ELAVL4: variants seen among roughly 807,000 people sequenced by gnomAD.
ELAVL4 encodes ELAV like RNA binding protein 4.
ELAVL4 carries 1 observed loss-of-function variant against 35.6 expected under a neutral mutation model. The ratio of observed to expected loss-of-function variants is 0.03; its 90% CI spans 0.01 to 0.13. The LOEUF (loss-of-function observed/expected upper bound fraction) is 0.13, where lower values mean the gene tolerates loss of function less well. Among genes scored for constraint, ELAVL4 ranks in the 10% least tolerant of loss-of-function variants. The probability of loss-of-function intolerance (pLI) is 1.00; values close to 1 mark genes in which losing one functional copy is unlikely to be tolerated. For missense variants in ELAVL4, 267 were observed against 464.9 expected, an observed-to-expected ratio of 0.57 and a Z score of 3.91; for synonymous variants, 156 against 171.0, an observed-to-expected ratio of 0.91 and a Z score of 0.69.
intron 2 of ELAVL4, among the ~76,000 whole-genome samples, chr1:50,162,724 C>T (rs1041851782): frequency 6.6e-5 from 10 of 152,260 alleles, no homozygotes; most frequent in African/African-American, 2.2e-4. Flanking sequence ...GCTGGGACCA[C>T]AGGCACATGC....
chr1:50,098,383 G>A (rs1046505582), intron 1 of ELAVL4, among the ~76,000 whole-genome samples: 2 of 152,168 alleles, frequency 1.3e-5, no homozygotes, highest in Non-Finnish European at 2.9e-5. Context: ...AGTTATGTTT[G>A]TGAGTAATTT....
At chr1:50,085,500 A>T (rs1665200514) in intron 1 of ELAVL4, among the ~76,000 whole-genome samples, 1 of 152,230 alleles carries the variant, frequency 6.6e-6, no homozygotes, top group South Asian at 2.1e-4. Context: ...TAATCTGGGC[A>T]GGATCTTCTG....
At chr1:50,149,693 G>A (rs527489630) in intron 2 of ELAVL4, among the ~76,000 whole-genome samples, 11 of 151,672 alleles carry the variant, frequency 7.3e-5, no homozygotes, top group Middle Eastern at 3.4e-3. Flanking sequence ...ACAGGCACCC[G>A]CCACCACGCC....
rs2148890181 is a variant in ELAVL4, at chr1:50,197,477, A to G, written c.773+10A>G. ...CCTATGGCGTAAAGAGGTAATTAAAACTCCACAGATTGCCAGATGTCCATG... is the reference window on the plus strand; with the variant it reads ...CCTATGGCGTAAAGAGGTAATTAAAGCTCCACAGATTGCCAGATGTCCATG... On this transcript the variant is annotated intron_variant, in intron 6 of 6. Coordinates refer to ENST00000371824, the MANE Select transcript of ELAVL4 (RefSeq NM_001144774.3). 2 of 1,565,258 alleles carry G rather than the reference A, an allele frequency of 1.3e-6. No individual in the cohort carries two copies. The highest frequency in any genetic ancestry group is 2.4e-5 in the South Asian group (2 of 82,494).
Position 50,203,387 on chromosome 1 carries a change from T to G in ELAVL4, c.*2209T>G, listed in dbSNP as rs1644458956. 6.6e-6 allele frequency: 1 copy of G among 152,148 alleles called. No homozygotes were observed. 9.4% of individuals were successfully genotyped at this position (152,148 alleles called of 1,614,324 possible). On this transcript the variant is annotated 3_prime_UTR_variant, in exon 7 of 7. Coordinates refer to ENST00000371824, the MANE Select transcript of ELAVL4 (RefSeq NM_001144774.3). ...CTTTAAATTTTTTTTCTGTTTTTTTTTCCTCTTTTCGGTTTTGGATATAAC... is the reference window on the plus strand; with the variant it reads ...CTTTAAATTTTTTTTCTGTTTTTTTGTCCTCTTTTCGGTTTTGGATATAAC...
At chr1:50,141,197 A>T (rs1463570012) in intron 1 of ELAVL4, among the ~76,000 whole-genome samples, 1 of 152,178 alleles carries the variant, frequency 6.6e-6, no homozygotes, top group Non-Finnish European at 1.5e-5. Context: ...GGTCCCACAG[A>T]ATCTCAACAT....
chr1:50,057,195 TA>T (rs538775379), intron 1 of ELAVL4, among the ~76,000 whole-genome samples: 132 of 142,494 alleles, frequency 9.3e-4, no homozygotes, highest in South Asian at 4.7e-3. Flanking sequence ...GTTTTAAAAG[TA>T]AAAAAAAAAA....
chr1:50,108,555 G>C (rs1330032725), upstream of ELAVL4, among the ~76,000 whole-genome samples: 1 of 152,150 alleles, frequency 6.6e-6, no homozygotes, highest in African/African-American at 2.4e-5. Flanking sequence ...CTCCATCAGA[G>C]AGGTGGCACG....
At chr1:50,180,267 A>G (rs1019141538) in intron 3 of ELAVL4, 1 of 152,158 alleles carries the variant, frequency 6.6e-6, no homozygotes, top group Non-Finnish European at 1.5e-5. Flanking sequence ...AAATGCTCCA[A>G]AATTTGAAAC....
At chr1:50,118,545 C>T (rs967589445) in intron 1 of ELAVL4, among the ~76,000 whole-genome samples, 10 of 151,770 alleles carry the variant, frequency 6.6e-5, no homozygotes, top group Non-Finnish European at 7.4e-5. Flanking sequence ...AAAGCCTTGG[C>T]GTAGTTGTTG....
At chr1:50,049,692 C>T (rs150119208) in intron 1 of ELAVL4, among the ~76,000 whole-genome samples, 9 of 152,254 alleles carry the variant, frequency 5.9e-5, no homozygotes, top group South Asian at 2.1e-4. Context: ...TGGATTCCTT[C>T]CATTCATTTT....
chr1:50,161,214 T>C (rs1408635948), intron 2 of ELAVL4, among the ~76,000 whole-genome samples: 2 of 152,202 alleles, frequency 1.3e-5, no homozygotes, highest in African/African-American at 4.8e-5. Context: ...CTGGTTCATT[T>C]TTCTGGCTAG....
chr1:50,180,602 A>G (rs1234135135), intron 3 of ELAVL4: 3 of 152,328 alleles, frequency 2.0e-5, no homozygotes, highest in East Asian at 3.9e-4. Flanking sequence ...AAGCAGAGAA[A>G]GAGCATGATG....
At chr1:50,049,204 C>T (rs192641483) in intron 1 of ELAVL4, among the ~76,000 whole-genome samples, 6 of 152,324 alleles carry the variant, frequency 3.9e-5, no homozygotes, top group Admixed American at 2.6e-4. Context: ...TCTCTGGTGC[C>T]TTTAAGCCTA....
At chr1:50,149,485 TA>T (rs199764553) in intron 2 of ELAVL4, among the ~76,000 whole-genome samples, 3 of 149,732 alleles carry the variant, frequency 2.0e-5, no homozygotes, top group Non-Finnish European at 3.0e-5. Flanking sequence ...ATCACAGTGA[TA>T]AAAAAAAGAA....
chr1:50,156,016 T>G (rs1343713275), intron 2 of ELAVL4, among the ~76,000 whole-genome samples: 1 of 150,228 alleles, frequency 6.7e-6, no homozygotes, highest in African/African-American at 2.5e-5. Context: ...GGCATGCATG[T>G]GCGTGCACAG....
intron 1 of ELAVL4, among the ~76,000 whole-genome samples, chr1:50,120,920 C>T (rs1254895398): frequency 6.6e-6 from 1 of 152,028 alleles, no homozygotes; most frequent in Non-Finnish European, 1.5e-5. Flanking sequence ...TGCTTATTTT[C>T]TCCAGTATAA....
intron 1 of ELAVL4, among the ~76,000 whole-genome samples, chr1:50,138,958 CT>C (rs983233946): frequency 6.6e-6 from 1 of 152,110 alleles, no homozygotes; most frequent in Non-Finnish European, 1.5e-5. Flanking sequence ...GAACTGTATA[CT>C]TTAAAACTAT....
intron 2 of ELAVL4, chr1:50,174,860 G>A (rs565865886): frequency 3.0e-4 from 45 of 152,232 alleles, no homozygotes; most frequent in African/African-American, 8.9e-4. Context: ...TGTACCACTC[G>A]TAAGCATGAT....
Sources: allele counts gnomAD v4.1 joint callset (sites outside exome capture counted in the v4.1 genomes callset), GRCh38; gene constraint gnomAD v4.1.1; transcripts MANE v1.5; gene names NCBI Gene and HGNC (gene_info 2026-07-23, HGNC 2026-07-21).